The following GRID2 variants were observed in gnomAD, a reference collection of about 807,000 sequenced individuals.
The protein encoded by GRID2 is glutamate receptor ionotropic, delta-2.
In GRID2, 33 loss-of-function variants were observed where a neutral mutation model predicts 114.8. The ratio of observed to expected loss-of-function variants is 0.29; its 90% CI spans 0.22 to 0.38. GRID2 has a LOEUF of 0.38. Ranked by LOEUF, GRID2 falls within the 10% of genes least tolerant of loss-of-function variation. The probability of loss-of-function intolerance (pLI) is 1.00; values close to 1 mark genes in which losing one functional copy is unlikely to be tolerated. For synonymous variants in GRID2, 505 were observed against 449.9 expected (o/e 1.12, Z -1.55); for missense variants, 1,184 against 1,257.7 (o/e 0.94, Z 0.89).
chr4:93,202,949 T>A (rs1742268100), intron 4 of GRID2, among the ~76,000 whole-genome samples: 2 of 152,078 alleles, frequency 1.3e-5, no homozygotes, highest in African/African-American at 4.8e-5. Context: ...TATATATATA[T>A]CATACTACTA....
At chr4:92,637,817 C>G (rs1731145733) in intron 2 of GRID2, among the ~76,000 whole-genome samples, 2 of 151,922 alleles carry the variant, frequency 1.3e-5, no homozygotes, top group African/African-American at 4.8e-5. Flanking sequence ...TTTTTTCCTT[C>G]CTGATATATG....
chr4:93,754,470 C>A lies in GRID2; in HGVS notation c.2361-14740C>A, dbSNP rs1732584435. Among the ~76,000 whole-genome samples, 3 of 152,032 alleles carry A rather than the reference C, an allele frequency of 2.0e-5. No homozygotes were observed. The South Asian group carries it at 6.2e-4, about 32-fold the overall frequency. ...ATGTCCATTTGTTATATATGGAATG[C>A]CATTATTTGCAGTGATCTATATAGC... On this transcript the variant is annotated intron_variant, in intron 14 of 15. Coordinates refer to ENST00000282020, the MANE Select transcript of GRID2 (RefSeq NM_001510.4).
chr4:93,365,582 G>T (rs1015281221), intron 8 of GRID2, among the ~76,000 whole-genome samples: 1 of 152,060 alleles, frequency 6.6e-6, no homozygotes, highest in Non-Finnish European at 1.5e-5. Flanking sequence ...ATAACCTTAC[G>T]GTGGTTTCTG....
At chr4:92,711,579 G>A (rs1735252940) in intron 2 of GRID2, among the ~76,000 whole-genome samples, 1 of 152,052 alleles carries the variant, frequency 6.6e-6, no homozygotes, top group Non-Finnish European at 1.5e-5. Flanking sequence ...TCTGTATTCT[G>A]CTACCAGCTG....
intron 2 of GRID2, among the ~76,000 whole-genome samples, chr4:92,731,030 T>A (rs988683010): frequency 4.6e-5 from 7 of 151,876 alleles, no homozygotes; most frequent in Non-Finnish European, 1.5e-5. Flanking sequence ...TTAGGAATTA[T>A]AATTTATGTG....
intron 8 of GRID2, 91 bp downstream of exon 8, chr4:93,238,581 A>C (rs1324545963): frequency 2.8e-6 from 3 of 1,079,622 alleles, no homozygotes; most frequent in East Asian, 5.5e-5. Flanking sequence ...GTACCCATTA[A>C]AGTCAATATT....
intron 2 of GRID2, among the ~76,000 whole-genome samples, chr4:93,034,482 A>C (rs565676410): frequency 6.6e-6 from 1 of 152,134 alleles, no homozygotes; most frequent in East Asian, 1.9e-4. Context: ...ACGATATTTC[A>C]CTCTGCCTGG....
At chr4:92,591,892 A>G (rs528297524) in intron 2 of GRID2, among the ~76,000 whole-genome samples, 34 of 152,266 alleles carry the variant, frequency 2.2e-4, no homozygotes, top group African/African-American at 7.5e-4. Flanking sequence ...TTAATTTTTA[A>G]TAAGTAAACA....
intron 1 of GRID2, among the ~76,000 whole-genome samples, chr4:92,443,726 G>A (rs1045688033): frequency 2.0e-5 from 3 of 152,022 alleles, no homozygotes; most frequent in Non-Finnish European, 2.9e-5. Context: ...AGGGGTTGGG[G>A]TACTTGCCCC....
At chr4:93,669,133 A>G (rs1333041169) in intron 14 of GRID2, among the ~76,000 whole-genome samples, 1 of 152,082 alleles carries the variant, frequency 6.6e-6, no homozygotes, top group African/African-American at 2.4e-5. Context: ...CCTTTCCACT[A>G]TCAGTATTTT....
chr4:93,212,144 A>C (rs988819672), intron 5 of GRID2, among the ~76,000 whole-genome samples: 3 of 152,168 alleles, frequency 2.0e-5, no homozygotes, highest in African/African-American at 7.2e-5. Context: ...AAAGATGCAA[A>C]TGCCCGTTTT....
At chr4:93,537,057 T>G (rs761889249) in intron 13 of GRID2, among the ~76,000 whole-genome samples, 8 of 151,708 alleles carry the variant, frequency 5.3e-5, no homozygotes, top group Non-Finnish European at 1.0e-4. Context: ...CCTTGAAATC[T>G]TATAAGCTTC....
intron 13 of GRID2, among the ~76,000 whole-genome samples, chr4:93,604,494 A>C (rs1484457277): frequency 3.3e-5 from 5 of 152,352 alleles, no homozygotes; most frequent in Non-Finnish European, 4.4e-5. Context: ...TGTTAACATA[A>C]CAACAAAGGA....
At chr4:93,492,905 T>G (rs1026003376) in intron 12 of GRID2, among the ~76,000 whole-genome samples, 1 of 151,776 alleles carries the variant, frequency 6.6e-6, no homozygotes, top group Non-Finnish European at 1.5e-5. Flanking sequence ...CTCCACATTT[T>G]CCCTATACTC....
At chr4:92,761,330 T>C (rs1186545752) in intron 2 of GRID2, among the ~76,000 whole-genome samples, 1 of 152,192 alleles carries the variant, frequency 6.6e-6, no homozygotes, top group Non-Finnish European at 1.5e-5. Context: ...TAAATTAGTA[T>C]AGGAAAGTAA....
At chr4:92,430,208 T>C (rs1732372076) in intron 1 of GRID2, among the ~76,000 whole-genome samples, 1 of 152,168 alleles carries the variant, frequency 6.6e-6, no homozygotes, top group African/African-American at 2.4e-5. Flanking sequence ...GTTTCCCCCA[T>C]GTTTTCTTGT....
At chr4:93,417,314 C>T (rs1253070837) in intron 9 of GRID2, among the ~76,000 whole-genome samples, 2 of 152,092 alleles carry the variant, frequency 1.3e-5, no homozygotes, top group Non-Finnish European at 2.9e-5. Flanking sequence ...ATTTCCCTTC[C>T]ACAAAATCTT....
At chr4:93,256,145 CT>C (rs1190770403) in intron 8 of GRID2, among the ~76,000 whole-genome samples, 1 of 151,834 alleles carries the variant, frequency 6.6e-6, no homozygotes, top group Non-Finnish European at 1.5e-5. Context: ...AACTTTTAGC[CT>C]TTTTTTCACT....
At chr4:93,062,916 A>G (rs1738812333) in intron 2 of GRID2, among the ~76,000 whole-genome samples, 2 of 151,990 alleles carry the variant, frequency 1.3e-5, no homozygotes, top group South Asian at 2.1e-4. Context: ...AAAATTGCAT[A>G]TATCTATGAA....
Sources: allele counts gnomAD v4.1 joint callset (sites outside exome capture counted in the v4.1 genomes callset), GRCh38; gene constraint gnomAD v4.1.1; transcripts MANE v1.5; gene names NCBI Gene and HGNC (gene_info 2026-07-23, HGNC 2026-07-21).